ADAMTSL3: variants seen among roughly 807,000 people sequenced by gnomAD.
ADAMTSL3 encodes ADAMTS-like protein 3.
In ADAMTSL3, 128 loss-of-function variants were observed where a neutral mutation model predicts 201.7. The observed-to-expected ratio is 0.63, with a 90% CI of 0.55 to 0.73. The LOEUF is 0.73. Ranked by LOEUF, ADAMTSL3 falls within the 30% of genes least tolerant of loss-of-function variation. The pLI is 0.00. For synonymous variants in ADAMTSL3, 738 were observed against 748.4 expected (o/e 0.99, Z 0.23); for missense variants, 1,990 against 2,119.6 (o/e 0.94, Z 1.20).
chr15:83,720,258 A>C (rs2141571833), intron 3 of ADAMTSL3, among the ~76,000 whole-genome samples: 1 of 152,220 alleles, frequency 6.6e-6, no homozygotes, highest in East Asian at 1.9e-4. Flanking sequence ...AAACATGTTC[A>C]CTTTTTTGCC....
At chr15:83,781,991 C>T (rs1013781808) in intron 4 of ADAMTSL3, among the ~76,000 whole-genome samples, 2 of 152,134 alleles carry the variant, frequency 1.3e-5, no homozygotes, top group Non-Finnish European at 1.5e-5. Context: ...TTAGTTCAAC[C>T]TTTGTGGAAG....
At chr15:83,669,264 G>A (rs1175060642) in intron 2 of ADAMTSL3, among the ~76,000 whole-genome samples, 1 of 152,028 alleles carries the variant, frequency 6.6e-6, no homozygotes, top group Non-Finnish European at 1.5e-5. Context: ...TCCTGCCTTA[G>A]CCACCCCAGT....
At chr15:83,748,748 A>T (rs886578536) in intron 3 of ADAMTSL3, among the ~76,000 whole-genome samples, 8 of 152,136 alleles carry the variant, frequency 5.3e-5, no homozygotes, top group African/African-American at 1.9e-4. Context: ...GTGACTTCAC[A>T]TACCTAAGAA....
chr15:83,991,712 G>T (rs2067586473), intron 23 of ADAMTSL3, among the ~76,000 whole-genome samples: 1 of 152,234 alleles, frequency 6.6e-6, no homozygotes, highest in Non-Finnish European at 1.5e-5. Flanking sequence ...TCAGCAGCCT[G>T]TTCCTCAGTG....
At chr15:83,921,339 G>A (rs1358979434) in intron 16 of ADAMTSL3, among the ~76,000 whole-genome samples, 3 of 152,164 alleles carry the variant, frequency 2.0e-5, no homozygotes, top group African/African-American at 7.2e-5. Context: ...AAAGCATAGT[G>A]TATCTATTTC....
At chr15:83,847,429 A>G (rs2064522052) in intron 7 of ADAMTSL3, among the ~76,000 whole-genome samples, 1 of 152,030 alleles carries the variant, frequency 6.6e-6, no homozygotes, top group African/African-American at 2.4e-5. Flanking sequence ...AGCTTGAAGC[A>G]AACCTTACTA....
chr15:83,985,719 GCCT>G (rs1235342725), intron 21 of ADAMTSL3, among the ~76,000 whole-genome samples: 1 of 151,896 alleles, frequency 6.6e-6, no homozygotes, highest in Non-Finnish European at 1.5e-5. Context: ...TGCAACCTCT[GCCT>G]CCTCGTTTCA....
chr15:83,849,231 A>G (rs928085277), intron 7 of ADAMTSL3, among the ~76,000 whole-genome samples: 1 of 152,152 alleles, frequency 6.6e-6, no homozygotes, highest in Non-Finnish European at 1.5e-5. Context: ...GGTTCAAGGA[A>G]TCCTCCTGCC....
intron 6 of ADAMTSL3, among the ~76,000 whole-genome samples, chr15:83,827,913 T>C (rs1189505295): frequency 6.6e-6 from 1 of 152,230 alleles, no homozygotes; most frequent in Non-Finnish European, 1.5e-5. Flanking sequence ...CTGCTTTGGT[T>C]ACTGTAGCCT....
intron 2 of ADAMTSL3, among the ~76,000 whole-genome samples, chr15:83,681,432 G>C (rs1197573278): frequency 6.6e-6 from 1 of 152,208 alleles, no homozygotes; most frequent in African/African-American, 2.4e-5. Context: ...GACCCAGGAG[G>C]AGAACTGAAA....
At position 83,654,894 on chromosome 15, in the gene ADAMTSL3, A is replaced by T. The variant is rs1033576996; in HGVS notation, c.-34+618A>T. ...CAGCAGCACATTTGCGGATCACATT[A>T]GACCAGGCCCTTAATGCCTTCTCCA... On this transcript the variant is annotated intron_variant, in intron 1 of 29. Coordinates refer to ENST00000286744, the MANE Select transcript of ADAMTSL3 (RefSeq NM_207517.3). This position sits in a 1 kb window ranked among gnomAD's most constrained non-coding sequence, Gnocchi z 5.3. 2.2e-4 allele frequency among the ~76,000 whole-genome samples: 34 copies of T among 152,192 alleles called. No homozygotes were observed. The highest frequency in any genetic ancestry group is 4.4e-5 in the Non-Finnish European group (3 of 68,034).
At chr15:83,862,205 A>T (rs562670376) in intron 8 of ADAMTSL3, 12 of 152,378 alleles carry the variant, frequency 7.9e-5, no homozygotes, top group African/African-American at 2.9e-4. Flanking sequence ...GCAGGGTATT[A>T]TCCAGGTGAA....
intron 5 of ADAMTSL3, among the ~76,000 whole-genome samples, 173 bp from the exon 6 acceptor site, chr15:83,819,638 A>T (rs924619113): frequency 6.8e-6 from 1 of 147,512 alleles, no homozygotes; most frequent in African/African-American, 2.5e-5. Context: ...GTGGAATTTC[A>T]TAGCATACAT....
chr15:83,776,265 G>A (rs898094320), intron 4 of ADAMTSL3, among the ~76,000 whole-genome samples: 1 of 152,160 alleles, frequency 6.6e-6, no homozygotes, highest in African/African-American at 2.4e-5. Context: ...ATCCTCAGAA[G>A]TTCTTCCTGT....
intron 3 of ADAMTSL3, among the ~76,000 whole-genome samples, chr15:83,712,538 TA>T (rs1358034967): frequency 2.0e-5 from 3 of 152,202 alleles, no homozygotes; most frequent in African/African-American, 7.2e-5. Context: ...GTCATCTGTC[TA>T]AACCACTGAT....
At chr15:83,662,879 C>G (rs1262662477) in intron 2 of ADAMTSL3, among the ~76,000 whole-genome samples, 3 of 152,204 alleles carry the variant, frequency 2.0e-5, no homozygotes, top group Non-Finnish European at 2.9e-5. Flanking sequence ...ATACCTCTCT[C>G]TGGTAGTTGT....
At chr15:83,806,042 A>G (rs1490572366) in intron 5 of ADAMTSL3, among the ~76,000 whole-genome samples, 5 of 143,450 alleles carry the variant, frequency 3.5e-5, no homozygotes, top group Non-Finnish European at 1.5e-5. Flanking sequence ...CCCACCTCCC[A>G]TGACCCAGGC....
At chr15:83,801,479 T>C (rs1232240327) in intron 4 of ADAMTSL3, among the ~76,000 whole-genome samples, 1 of 150,506 alleles carries the variant, frequency 6.6e-6, no homozygotes, top group African/African-American at 2.4e-5. Context: ...TGAGAAAAAC[T>C]GCAAAGGAAA....
intron 3 of ADAMTSL3, among the ~76,000 whole-genome samples, chr15:83,706,704 G>A (rs2061856926): frequency 6.6e-6 from 1 of 151,858 alleles, no homozygotes; most frequent in South Asian, 2.1e-4. Flanking sequence ...GCAGTGGCAT[G>A]ATCACAGCTC....
Sources: gnomAD v4.1 joint callset for allele counts (sites outside exome capture counted in the v4.1 genomes callset) on GRCh38, gnomAD v4.1.1 for gene constraint, Gnocchi (gnomAD v3.1) non-coding constraint, MANE v1.5 for transcripts, NCBI Gene and HGNC (gene_info 2026-07-23, HGNC 2026-07-21) for gene names.